RFX2: variants seen among roughly 807,000 people sequenced by gnomAD.
The protein encoded by RFX2 is DNA-binding protein RFX2.
RFX2 carries 20 observed loss-of-function variants against 87.8 expected under a neutral mutation model. The observed-to-expected ratio is 0.23, with a 90% CI of 0.16 to 0.33. The LOEUF (loss-of-function observed/expected upper bound fraction) is 0.33. Ranked by LOEUF, RFX2 falls within the 10% of genes least tolerant of loss-of-function variation. The pLI is 1.00. For synonymous variants in RFX2, 397 were observed against 431.3 expected (o/e 0.92, Z 0.98); for missense variants, 767 against 1,012.3 (o/e 0.76, Z 3.29).
At chr19:6,052,108 C>T (rs2087273120) in intron 1 of RFX2, among the ~76,000 whole-genome samples, 1 of 152,084 alleles carries the variant, frequency 6.6e-6, no homozygotes, top group Non-Finnish European at 1.5e-5. Context: ...CATCTCCTGA[C>T]CTCTTGATCC....
At chr19:6,079,787 G>A (rs993334701) in intron 1 of RFX2, among the ~76,000 whole-genome samples, 4 of 151,332 alleles carry the variant, frequency 2.6e-5, no homozygotes, top group Non-Finnish European at 2.9e-5. Context: ...TTGGGAGGCC[G>A]ATGCAGGAAA....
chr19:6,035,850 G>GGTGTGTGTGTGTGTGT (rs34008943), intron 5 of RFX2, among the ~76,000 whole-genome samples: 1 of 137,166 alleles, frequency 7.3e-6, no homozygotes, highest in African/African-American at 3.0e-5. Context: ...CTTGGTGGGG[G>GGTGTGTGTGTGTGTGT]GTGTGTGTGT....
In RFX2 at chr19:6,061,858, C is replaced by A. The variant is rs1182515315; in HGVS notation, c.-8-14354G>T. Reference sequence around the variant, plus strand: ...GAATGATATAGCTGATGTGCCCACCCCGAGTGTGGATCCCAGCAGGTGCCT... The same window carrying A: ...GAATGATATAGCTGATGTGCCCACCACGAGTGTGGATCCCAGCAGGTGCCT... On this transcript the variant is annotated intron_variant, in intron 1 of 17. Coordinates refer to ENST00000303657, the MANE Select transcript of RFX2 (RefSeq NM_000635.4). This position sits in a 1 kb window ranked among gnomAD's most constrained non-coding sequence, Gnocchi z 5.2. Among the ~76,000 whole-genome samples, 1 of 152,056 alleles carries A rather than the reference C, an allele frequency of 6.6e-6. No individual in the cohort carries two copies. Among genetic ancestry groups the A allele is most frequent in the Admixed American group, 6.6e-5 (1 of 15,260 alleles).
intron 9 of RFX2, among the ~76,000 whole-genome samples, chr19:6,008,675 ATTTT>A (rs1284518775): frequency 1.3e-5 from 1 of 79,268 alleles, no homozygotes; most frequent in Admixed American, 1.4e-4. Flanking sequence ...ATGCCCGGCC[ATTTT>A]TTTTTTTTTT....
At position 6,026,390 on chromosome 19, in the gene RFX2, G is replaced by T; in HGVS notation, c.523-153C>A. On this transcript the variant is annotated intron_variant, in intron 5 of 17. Transcript: ENST00000303657. This position sits in a 1 kb window ranked among gnomAD's most constrained non-coding sequence, Gnocchi z 4.5. ...TAAAAATGAGGCTCCACGCAGGCAG[G>T]GCGGGGGTGAGTTAAATTGTGCATG... 1 of 672,666 alleles carries T rather than the reference G, an allele frequency of 1.5e-6. No homozygotes were observed. Among genetic ancestry groups the T allele is most frequent in the Non-Finnish European group, 2.5e-6 (1 of 395,672 alleles). The allele number at this position is 672,666 out of a possible 1,614,324, so 41.7% of individuals were successfully genotyped here.
rs1280420401 is a variant in RFX2, at chr19:6,017,521, T to C, written c.598-1250A>G. 6.6e-6 allele frequency among the ~76,000 whole-genome samples: 1 copy of C among 152,212 alleles called. No homozygotes were observed. The highest frequency in any genetic ancestry group is 2.4e-5 in the African/African-American group (1 of 41,446). ...AATACAAAAGGCTTGCACTGATGCC[T>C]GCGATTTGCAGAAAGACAGGAATTC... On this transcript the variant is annotated intron_variant, in intron 6 of 17. Transcript: ENST00000303657. The surrounding 1 kb of genome is among the most constrained non-coding windows in gnomAD (Gnocchi z 4.1).
Position 6,007,876 on chromosome 19 carries a change from C to A in RFX2, c.1135-74G>T. 1 of 1,085,932 alleles carries A rather than the reference C, an allele frequency of 9.2e-7. No individual in the cohort carries two copies. The highest frequency in any genetic ancestry group is 1.4e-6 in the Non-Finnish European group (1 of 725,118). 67.3% of individuals were successfully genotyped at this position (1,085,932 alleles called of 1,614,324 possible). A position where few individuals can be genotyped will look rare whatever the true frequency, so the allele number is the denominator to read the frequency against. ...GTGCACTCAGCACACGTCAAGTGAGCAGCCGTGATCCGGGCTACAGCGGGG... is the reference window on the plus strand; with the variant it reads ...GTGCACTCAGCACACGTCAAGTGAGAAGCCGTGATCCGGGCTACAGCGGGG... On this transcript the variant is annotated intron_variant, in intron 10 of 17. Transcript: ENST00000303657. This position sits in a 1 kb window ranked among gnomAD's most constrained non-coding sequence, Gnocchi z 8.2.
At position 6,004,054 on chromosome 19, in the gene RFX2, G is replaced by A. The variant is rs766023549; in HGVS notation, c.1500+147C>T. On this transcript the variant is annotated intron_variant, in intron 13 of 17. Coordinates refer to ENST00000303657, the MANE Select transcript of RFX2 (RefSeq NM_000635.4). This position sits in a 1 kb window ranked among gnomAD's most constrained non-coding sequence, Gnocchi z 4.8. ...CCAGCACTGACGCGTCACCGGCAGT[G>A]TGCTCAGGGCTTCCTGAAGGGATCG... 4 of 666,072 alleles carry A rather than the reference G, an allele frequency of 6.0e-6. No homozygotes were observed. In the African/African-American group the frequency reaches 7.1e-5, roughly 12 times the overall value. The allele number at this position is 666,072 out of a possible 1,614,324, so 41.3% of individuals were successfully genotyped here. A position where few individuals can be genotyped will look rare whatever the true frequency, so the allele number is the denominator to read the frequency against.
At position 6,024,819 on chromosome 19, in the gene RFX2, A is replaced by C. The variant is rs1271798317; in HGVS notation, c.597+1344T>G. ...CGGGATCACGGTGAGGACGGGAGTG[A>C]GGACGGGATCACGGTGAGGACGGGA... On this transcript the variant is annotated intron_variant, in intron 6 of 17. Transcript: ENST00000303657. This position sits in a 1 kb window ranked among gnomAD's most constrained non-coding sequence, Gnocchi z 5.0. Among the ~76,000 whole-genome samples, 1 of 112,452 alleles carries C rather than the reference A, an allele frequency of 8.9e-6. No individual in the cohort carries two copies. Among genetic ancestry groups the C allele is most frequent in the Non-Finnish European group, 1.8e-5 (1 of 56,492 alleles). 73.8% of individuals were successfully genotyped at this position (112,452 alleles called of 152,430 possible).
chr19:6,013,629 C>T lies in RFX2; in HGVS notation c.780-524G>A, dbSNP rs1017916069. ...TGACCTCCTGGGATCAAGTGATCCT[C>T]CTGCCTCAGCCTCTGAGTAGCTGGG... On this transcript the variant is annotated intron_variant, in intron 7 of 17. Coordinates refer to ENST00000303657, the MANE Select transcript of RFX2 (RefSeq NM_000635.4). The surrounding 1 kb of genome is among the most constrained non-coding windows in gnomAD (Gnocchi z 4.1). Among the ~76,000 whole-genome samples, 6 of 152,154 alleles carry T rather than the reference C, an allele frequency of 3.9e-5. No individual in the cohort carries two copies. Among genetic ancestry groups the T allele is most frequent in the African/African-American group, 1.4e-4 (6 of 41,426 alleles).
At position 5,997,477 on chromosome 19, in the gene RFX2, C is replaced by A; in HGVS notation, c.1860-264G>T. ...AGGAGAGGGAGATGGGCAGTCAGCC[C>A]CAAAGCGACAGGCTGCGGGAAACAA... On this transcript the variant is annotated intron_variant, in intron 15 of 17. Coordinates refer to ENST00000303657, the MANE Select transcript of RFX2 (RefSeq NM_000635.4). The surrounding 1 kb of genome is among the most constrained non-coding windows in gnomAD (Gnocchi z 4.2). The A allele has an allele frequency of 4.8e-6, 2 of 418,804 alleles. No homozygotes were observed. The highest frequency in any genetic ancestry group is 4.2e-6 in the Non-Finnish European group (1 of 235,738). The allele number at this position is 418,804 out of a possible 1,614,324, so 25.9% of individuals were successfully genotyped here. A position where few individuals can be genotyped will look rare whatever the true frequency, so the allele number is the denominator to read the frequency against.
At position 6,010,770 on chromosome 19, in the gene RFX2, C is replaced by T. The variant is rs979389578; in HGVS notation, c.900-519G>A. Among the ~76,000 whole-genome samples the T allele has an allele frequency of 6.6e-6, 1 of 152,180 alleles. No homozygotes were observed. The highest frequency in any genetic ancestry group is 1.5e-5 in the Non-Finnish European group (1 of 68,048). ...ATGAACCACAGTTTGTTAATGGACA[C>T]TTGAGAAAATAGATATATATTTTCC... On this transcript the variant is annotated intron_variant, in intron 8 of 17. Transcript: ENST00000303657. This position sits in a 1 kb window ranked among gnomAD's most constrained non-coding sequence, Gnocchi z 5.0.
At chr19:6,036,872 T>C (rs1207874255) in intron 5 of RFX2, among the ~76,000 whole-genome samples, 1 of 152,172 alleles carries the variant, frequency 6.6e-6, no homozygotes, top group Non-Finnish European at 1.5e-5. Context: ...AACATTTCAC[T>C]GCAAGTGCTA....
rs1208812505 is a variant in RFX2 at position 5,997,419 on chromosome 19, TGC to T, written c.1860-208_1860-207del. 2 of 565,806 alleles carry T rather than the reference TGC, an allele frequency of 3.5e-6. No individual in the cohort carries two copies. The highest frequency in any genetic ancestry group is 3.8e-5 in the African/African-American group (2 of 52,682). The allele number at this position is 565,806 out of a possible 1,614,324, so 35.0% of individuals were successfully genotyped here. ...ACGTGACGGACAGGTGGGGCCGGCCTGCGCGCTCAGTTCCAGAGACCACCTGG... is the reference window on the plus strand; with the variant it reads ...ACGTGACGGACAGGTGGGGCCGGCCTGCGCTCAGTTCCAGAGACCACCTGG... On this transcript the variant is annotated intron_variant, in intron 15 of 17. Transcript: ENST00000303657. This position sits in a 1 kb window ranked among gnomAD's most constrained non-coding sequence, Gnocchi z 4.2.
At position 6,090,078 on chromosome 19, in the gene RFX2, C is replaced by A. The variant is rs796837609; in HGVS notation, c.-9+20315G>T. 1.8e-4 allele frequency among the ~76,000 whole-genome samples: 27 copies of A among 152,220 alleles called. 1 individual carries two copies. The highest frequency in any genetic ancestry group is 6.3e-4 in the African/African-American group (26 of 41,524). ...CCAGGCTCAAGAGGTCCTCCCACCTCACCCTCTGGAGTAGTTGAGACCAGA... is the reference window on the plus strand; with the variant it reads ...CCAGGCTCAAGAGGTCCTCCCACCTAACCCTCTGGAGTAGTTGAGACCAGA... On this transcript the variant is annotated intron_variant, in intron 1 of 17. Transcript: ENST00000303657.
At chr19:6,073,043 G>A (rs181412352) in intron 1 of RFX2, 194 of 480,198 alleles carry the variant, frequency 4.0e-4, no homozygotes, top group African/African-American at 3.6e-3. Flanking sequence ...GCAGTGGTGC[G>A]ATCTCAGCTC....
rs764280203 is a variant in RFX2 at position 6,039,976 on chromosome 19, A to G, written c.522+4T>C. 6.4e-7 allele frequency: 1 copy of G among 1,564,640 alleles called. No homozygotes were observed. Among genetic ancestry groups the G allele is most frequent in the South Asian group, 1.1e-5 (1 of 87,032 alleles). ...CCTGCTGGTCCCAAGAGCCTCCTAC[A>G]TACCGTGGCGGGCGATGAGCGGGAG... On this transcript the variant is annotated splice_donor_region_variant and intron_variant, in intron 5 of 17. Coordinates refer to ENST00000303657, the MANE Select transcript of RFX2 (RefSeq NM_000635.4). The surrounding 1 kb of genome is among the most constrained non-coding windows in gnomAD (Gnocchi z 5.2).
intron 1 of RFX2, among the ~76,000 whole-genome samples, chr19:6,062,718 C>A (rs1340796281): frequency 6.6e-6 from 1 of 152,164 alleles, no homozygotes; most frequent in Non-Finnish European, 1.5e-5. Context: ...ACTGTATGAG[C>A]TCGAACTGGA....
At position 6,001,608 on chromosome 19, in the gene RFX2, G is replaced by A. The variant is rs991656832; in HGVS notation, c.1859+207C>T. Among the ~76,000 whole-genome samples, 4 of 152,284 alleles carry A rather than the reference G, an allele frequency of 2.6e-5. No homozygotes were observed. The highest frequency in any genetic ancestry group is 7.2e-5 in the African/African-American group (3 of 41,566). On this transcript the variant is annotated intron_variant, in intron 15 of 17. Coordinates refer to ENST00000303657, the MANE Select transcript of RFX2 (RefSeq NM_000635.4). This position sits in a 1 kb window ranked among gnomAD's most constrained non-coding sequence, Gnocchi z 5.6. ...ACTTGCAACTTAGTATTTAGGCCAC[G>A]GTGGCCTTCTGGGCCTGCCCCTGGG...
Sources: allele counts gnomAD v4.1 joint callset (sites outside exome capture counted in the v4.1 genomes callset), GRCh38; gene constraint gnomAD v4.1.1; non-coding constraint Gnocchi (gnomAD v3.1); transcripts MANE v1.5; gene names NCBI Gene and HGNC (gene_info 2026-07-23, HGNC 2026-07-21).